ASCC3: variants seen among roughly 807,000 people sequenced by gnomAD.
ASCC3 encodes activating signal cointegrator 1 complex subunit 3.
Under a neutral mutation model 256.3 loss-of-function variants are expected in ASCC3, and 158 were observed. The observed-to-expected ratio is 0.62, with a 90% CI of 0.54 to 0.70. The LOEUF (loss-of-function observed/expected upper bound fraction) is 0.70. ASCC3 is among the 30% of genes least tolerant of loss of function. ASCC3 has a pLI of 0.00. For missense variants in ASCC3, 2,259 were observed against 2,626.0 expected, an observed-to-expected ratio of 0.86 and a Z score of 3.05; for synonymous variants, 948 against 883.4, an observed-to-expected ratio of 1.07 and a Z score of -1.30.
intron 36 of ASCC3, among the ~76,000 whole-genome samples, chr6:100,542,928 T>A (rs1025062446): frequency 1.3e-5 from 2 of 152,092 alleles, no homozygotes; most frequent in Non-Finnish European, 2.9e-5. Flanking sequence ...TATGTAATAA[T>A]TTGTTATTAC....
At chr6:100,565,362 T>G (rs1562122721) in intron 36 of ASCC3, among the ~76,000 whole-genome samples, 1 of 152,178 alleles carries the variant, frequency 6.6e-6, no homozygotes, top group South Asian at 2.1e-4. Context: ...GCTAATCCAT[T>G]TGCAAAGCGT....
chr6:100,734,604 T>C (rs917139539), intron 10 of ASCC3, among the ~76,000 whole-genome samples: 1 of 152,180 alleles, frequency 6.6e-6, no homozygotes, highest in Non-Finnish European at 1.5e-5. Context: ...AAAAAGATTA[T>C]AGCACAAAGC....
intron 22 of ASCC3, among the ~76,000 whole-genome samples, chr6:100,645,101 G>A (rs79050053): frequency 0.03 from 4,579 of 152,114 alleles, 76 homozygotes; most frequent in African/African-American, 0.055. Context: ...CCTGACAGTG[G>A]TAACTATTAA....
intron 36 of ASCC3, among the ~76,000 whole-genome samples, chr6:100,565,239 A>G (rs1184556479): frequency 6.6e-6 from 1 of 152,128 alleles, no homozygotes; most frequent in Non-Finnish European, 1.5e-5. Flanking sequence ...CAGGTTTCCA[A>G]TGGGTTCCCG....
chr6:100,604,703 A>G (rs1772799035), intron 33 of ASCC3, among the ~76,000 whole-genome samples: 2 of 151,954 alleles, frequency 1.3e-5, no homozygotes, highest in Admixed American at 6.6e-5. Context: ...TCAGCCTTCC[A>G]AAGTGCTAGG....
chr6:100,568,792 T>TTATTATTA (rs1562125513), intron 36 of ASCC3, among the ~76,000 whole-genome samples: 6 of 137,836 alleles, frequency 4.4e-5, no homozygotes, highest in African/African-American at 1.3e-4. Flanking sequence ...TATTATTATT[T>TTATTATTA]TTTGAGACAG....
At chr6:100,812,180 T>C (rs1323380398) in intron 4 of ASCC3, among the ~76,000 whole-genome samples, 1 of 152,006 alleles carries the variant, frequency 6.6e-6, no homozygotes, top group African/African-American at 2.4e-5. Context: ...CAGGCAACAA[T>C]AACTAGCCCC....
chr6:100,691,097 A>G (rs1777825833), intron 13 of ASCC3, among the ~76,000 whole-genome samples: 1 of 152,140 alleles, frequency 6.6e-6, no homozygotes, highest in South Asian at 2.1e-4. Flanking sequence ...GTATAATTTA[A>G]AAAACCAGAG....
At chr6:100,665,966 TTTATAG>T (rs1362926767) in intron 14 of ASCC3, among the ~76,000 whole-genome samples, 3 of 152,162 alleles carry the variant, frequency 2.0e-5, no homozygotes, top group African/African-American at 7.2e-5. Context: ...ATGCTATTTC[TTTATAG>T]TTAAACTCTT....
At chr6:100,782,113 G>A (rs1294670445) in intron 8 of ASCC3, among the ~76,000 whole-genome samples, 2 of 152,060 alleles carry the variant, frequency 1.3e-5, no homozygotes, top group Admixed American at 6.6e-5. Flanking sequence ...ATTCTTGGGA[G>A]ACTGTATAGT....
intron 4 of ASCC3, among the ~76,000 whole-genome samples, chr6:100,842,797 C>G (rs938791407): frequency 6.6e-6 from 1 of 151,966 alleles, no homozygotes; most frequent in African/African-American, 2.4e-5. Flanking sequence ...ATCACAGAAC[C>G]CTGTCTCTAC....
At chr6:100,848,780 C>A (rs1486832947) in intron 3 of ASCC3, 73 bp from the exon 4 acceptor site, 6 of 1,415,794 alleles carry the variant, frequency 4.2e-6, no homozygotes. Context: ...CAAAAAATTA[C>A]CACAAATATT....
chr6:100,838,181 C>T (rs1384625184), intron 4 of ASCC3, among the ~76,000 whole-genome samples: 1 of 151,944 alleles, frequency 6.6e-6, no homozygotes, highest in Non-Finnish European at 1.5e-5. Context: ...TAGGAAATGT[C>T]TTTCTTTGAG....
chr6:100,590,108 T>G, intron 34 of ASCC3, 49 bp from the exon 35 acceptor site: 2 of 1,275,848 alleles, frequency 1.6e-6, no homozygotes, highest in Non-Finnish European at 2.3e-6. Context: ...CATTTTCTAC[T>G]AAAACTATCA....
intron 13 of ASCC3, among the ~76,000 whole-genome samples, chr6:100,714,377 G>A (rs1375289568): frequency 1.3e-5 from 2 of 151,748 alleles, no homozygotes; most frequent in African/African-American, 4.8e-5. Flanking sequence ...TTTTTTATGA[G>A]GGTCAAAGGA....
chr6:100,804,873 C>A (rs962537697), intron 5 of ASCC3, among the ~76,000 whole-genome samples: 4 of 152,054 alleles, frequency 2.6e-5, no homozygotes, highest in Admixed American at 2.6e-4. Context: ...GACAGAGTTA[C>A]CATTTGACCC....
intron 14 of ASCC3, among the ~76,000 whole-genome samples, chr6:100,666,925 T>G (rs950850206): frequency 1.3e-5 from 2 of 152,128 alleles, no homozygotes; most frequent in African/African-American, 4.8e-5. Flanking sequence ...TATTAGATCC[T>G]AGGAATTCAA....
Position 100,627,667 on chromosome 6 carries a change from A to G in ASCC3, c.4565T>C (p.Leu1522Pro). ...TGGAAAGCCTTGAATGTGAACTTCCAGTGGAACTGGGCGTACTGATGGTCG... is the reference window on the plus strand; with the variant it reads ...TGGAAAGCCTTGAATGTGAACTTCCGGTGGAACTGGGCGTACTGATGGTCG... ...NFRPSVRPVP[L>P]EVHIQGFPGQ... The change falls in exon 29 of 42, where the codon CTG (leucine) becomes CCG (proline). Residue 1522 changes from leucine to proline, a missense_variant. Transcript: ENST00000369162. 6.2e-7 allele frequency: 1 copy of G among 1,613,710 alleles called. No individual in the cohort carries two copies.
intron 3 of ASCC3, 53 bp downstream of exon 3, chr6:100,864,011 T>C: frequency 7.2e-7 from 1 of 1,385,364 alleles, no homozygotes; most frequent in Non-Finnish European, 9.7e-7. Flanking sequence ...GAATCTGTTT[T>C]TGAACCTTAC....
Sources: allele counts gnomAD v4.1 joint callset (sites outside exome capture counted in the v4.1 genomes callset), GRCh38; gene constraint gnomAD v4.1.1; transcripts MANE v1.5; gene names NCBI Gene and HGNC (gene_info 2026-07-23, HGNC 2026-07-21).